The following TNR variants were observed in gnomAD, a reference collection of about 807,000 sequenced individuals.
TNR encodes the protein tenascin R, also known as tenascin-R.
TNR carries 45 observed loss-of-function variants against 150.4 expected under a neutral mutation model. That is an observed-to-expected ratio of 0.30 (90% CI 0.24 to 0.38). The LOEUF (loss-of-function observed/expected upper bound fraction) is 0.38, where lower values mean the gene tolerates loss of function less well. Ranked by LOEUF, TNR falls within the 10% of genes least tolerant of loss-of-function variation. The pLI, the probability that TNR is intolerant of heterozygous loss-of-function variation, is 1.00. For missense variants in TNR, 1,544 were observed against 1,759.1 expected (o/e 0.88, Z 2.19); for synonymous variants, 687 against 678.4 (o/e 1.01, Z -0.20).
intron 2 of TNR, among the ~76,000 whole-genome samples, chr1:175,493,532 G>A (rs921302665): frequency 6.6e-6 from 1 of 152,234 alleles, no homozygotes; most frequent in South Asian, 2.1e-4. Flanking sequence ...GTCATCCCCC[G>A]GATTTCTAAC....
chr1:175,498,548 T>C (rs1401116352), intron 2 of TNR, among the ~76,000 whole-genome samples: 1 of 152,230 alleles, frequency 6.6e-6, no homozygotes. Flanking sequence ...GTGCAGCATC[T>C]ATTTGTTCCC....
At chr1:175,640,285 G>A (rs139432704) in intron 1 of TNR, among the ~76,000 whole-genome samples, 200 of 152,310 alleles carry the variant, frequency 1.3e-3, no homozygotes, top group Middle Eastern at 6.8e-3. Context: ...TATATGGCCT[G>A]TGTGCCAGGC....
chr1:175,417,971 A>G (rs999187445), intron 2 of TNR, among the ~76,000 whole-genome samples: 6 of 152,350 alleles, frequency 3.9e-5, no homozygotes, highest in Admixed American at 1.3e-4. Flanking sequence ...CATTGTGTAC[A>G]TTATGTCTTT....
intron 18 of TNR, among the ~76,000 whole-genome samples, chr1:175,353,942 T>C (rs150081894): frequency 0.015 from 2,350 of 151,868 alleles, 55 homozygotes; most frequent in African/African-American, 0.052. Flanking sequence ...GCTTCCTAGG[T>C]TCAAGTGATT....
At chr1:175,452,538 G>A (rs1482683422) in intron 2 of TNR, among the ~76,000 whole-genome samples, 1 of 152,234 alleles carries the variant, frequency 6.6e-6, no homozygotes, top group Admixed American at 6.5e-5. Context: ...TTGGTGCAAA[G>A]GCCCTCCCAG....
intron 9 of TNR, among the ~76,000 whole-genome samples, chr1:175,371,040 T>G (rs1414379324): frequency 6.7e-6 from 1 of 149,614 alleles, no homozygotes; most frequent in East Asian, 2.0e-4. Context: ...TGTTGCTCTT[T>G]GCCAGCAGGT....
At chr1:175,448,090 C>G (rs1038300733) in intron 2 of TNR, among the ~76,000 whole-genome samples, 30 of 152,204 alleles carry the variant, frequency 2.0e-4, no homozygotes, top group Admixed American at 3.3e-4. Context: ...CATGGCAGCA[C>G]CCAGTGACCT....
intron 20 of TNR, chr1:175,330,717 T>C (rs967512186): frequency 6.6e-6 from 1 of 152,492 alleles, no homozygotes; most frequent in Non-Finnish European, 1.5e-5. Flanking sequence ...TCTGTCGAAC[T>C]TTCCTTACAC....
chr1:175,707,105 C>T (rs575398724), intron 1 of TNR, among the ~76,000 whole-genome samples: 3 of 152,284 alleles, frequency 2.0e-5, no homozygotes, highest in Admixed American at 6.5e-5. Flanking sequence ...TTCTAGTTTA[C>T]ACAAAATTCT....
chr1:175,513,323 C>A (rs931932776), intron 2 of TNR, among the ~76,000 whole-genome samples: 1 of 152,146 alleles, frequency 6.6e-6, no homozygotes, highest in African/African-American at 2.4e-5. Context: ...CATCTCCATC[C>A]CCTTATTCAC....
chr1:175,406,907 G>T, intron 2 of TNR, 130 bp from the exon 3 acceptor site: 1 of 662,808 alleles, frequency 1.5e-6, no homozygotes, highest in Non-Finnish European at 2.5e-6. Flanking sequence ...GGAAGGGACA[G>T]TGGCTGCCAA....
intron 4 of TNR, among the ~76,000 whole-genome samples, chr1:175,399,690 G>A (rs1443081339): frequency 6.6e-6 from 1 of 152,146 alleles, no homozygotes; most frequent in Non-Finnish European, 1.5e-5. Context: ...AATTCACGGT[G>A]GGTGCAAAGT....
chr1:175,366,156 T>A lies in TNR; in HGVS notation c.2054-18A>T. On this transcript the variant is annotated intron_variant, in intron 10 of 22. Coordinates refer to ENST00000367674, the MANE Select transcript of TNR (RefSeq NM_003285.3). ...GTCAAGTTCTGTGGATTGACATAAA[T>A]GGCCTATTTTACATGTGTTCCCCTG... 6.4e-7 allele frequency: 1 copy of A among 1,573,546 alleles called. No homozygotes were observed.
chr1:175,434,940 A>T (rs16848423), intron 2 of TNR, among the ~76,000 whole-genome samples: 34,123 of 152,048 alleles, frequency 0.22, 4,988 homozygotes, highest in African/African-American at 0.41. Flanking sequence ...CTAGGGTAAT[A>T]GTTTCTCCTT....
chr1:175,636,181 T>C (rs1664487173), intron 1 of TNR, among the ~76,000 whole-genome samples: 1 of 152,184 alleles, frequency 6.6e-6, no homozygotes, highest in Admixed American at 6.5e-5. Flanking sequence ...TTAGCATTGG[T>C]CACCTTACTG....
intron 1 of TNR, among the ~76,000 whole-genome samples, chr1:175,712,434 A>T (rs949398990): frequency 1.3e-5 from 2 of 152,168 alleles, no homozygotes; most frequent in Non-Finnish European, 2.9e-5. Flanking sequence ...AAGAGGTGAC[A>T]TAAGACGAAC....
intron 1 of TNR, among the ~76,000 whole-genome samples, chr1:175,560,559 G>A (rs1661382842): frequency 6.6e-6 from 1 of 152,202 alleles, no homozygotes. Flanking sequence ...CATTTAATAT[G>A]CCTTGTTCTC....
At chr1:175,408,937 G>A (rs1654080018) in intron 2 of TNR, among the ~76,000 whole-genome samples, 1 of 152,208 alleles carries the variant, frequency 6.6e-6, no homozygotes, top group South Asian at 2.1e-4. Context: ...GATCCTTGGA[G>A]CAATGTGGGA....
chr1:175,670,230 C>A (rs1398941920), intron 1 of TNR, among the ~76,000 whole-genome samples: 2 of 152,192 alleles, frequency 1.3e-5, no homozygotes. Flanking sequence ...AGGCTGGTTA[C>A]TTCATTAACC....
Sources: gnomAD v4.1 joint callset for allele counts (sites outside exome capture counted in the v4.1 genomes callset) on GRCh38, gnomAD v4.1.1 for gene constraint, MANE v1.5 for transcripts, NCBI Gene and HGNC (gene_info 2026-07-23, HGNC 2026-07-21) for gene names.